Variants in SPECC1 observed in about 807,000 individuals in gnomAD.
The protein encoded by SPECC1 is cytospin-B.
In SPECC1, 62 loss-of-function variants were observed where a neutral mutation model predicts 104.1. That is an observed-to-expected ratio of 0.60 (90% CI 0.49 to 0.74). The LOEUF (loss-of-function observed/expected upper bound fraction) is 0.74. SPECC1 is among the 30% of genes least tolerant of loss of function. SPECC1 has a pLI of 0.00. For synonymous variants in SPECC1, 513 were observed against 501.6 expected, an observed-to-expected ratio of 1.02 and a Z score of -0.30; for missense variants, 1,306 against 1,310.5, an observed-to-expected ratio of 1.00 and a Z score of 0.05.
At chr17:20,162,472 C>T (rs558133372) in intron 3 of SPECC1, among the ~76,000 whole-genome samples, 9 of 152,226 alleles carry the variant, frequency 5.9e-5, no homozygotes, top group Middle Eastern at 3.4e-3. Context: ...CCTCGAGCTT[C>T]AAATTCTTTA....
At chr17:20,108,261 A>G (rs939480896) in intron 2 of SPECC1, among the ~76,000 whole-genome samples, 2 of 151,070 alleles carry the variant, frequency 1.3e-5, no homozygotes, top group African/African-American at 4.9e-5. Context: ...GAAGGCTAGT[A>G]TTTGCAGGAG....
At chr17:20,246,639 C>T (rs2039433067) in intron 8 of SPECC1, among the ~76,000 whole-genome samples, 1 of 152,216 alleles carries the variant, frequency 6.6e-6, no homozygotes, top group Non-Finnish European at 1.5e-5. Context: ...TCATGCTTAT[C>T]TTCCTATATG....
intron 1 of SPECC1, among the ~76,000 whole-genome samples, chr17:20,059,099 C>G (rs147638061): frequency 1.5e-4 from 23 of 151,948 alleles, no homozygotes; most frequent in African/African-American, 5.3e-4. Context: ...CTTGGCCTCC[C>G]GAAGTGCTGG....
chr17:20,096,485 A>T, intron 1 of SPECC1, 146 bp from the exon 2 acceptor site: 1 of 952,266 alleles, frequency 1.1e-6, no homozygotes, highest in Non-Finnish European at 1.6e-6. Flanking sequence ...AACCCATCTT[A>T]GGAATATTCT....
At chr17:20,060,530 A>G (rs1023362990) in intron 1 of SPECC1, among the ~76,000 whole-genome samples, 6 of 152,180 alleles carry the variant, frequency 3.9e-5, no homozygotes, top group African/African-American at 1.4e-4. Flanking sequence ...CAAAAAAACA[A>G]TAGAGGACTC....
intron 3 of SPECC1, among the ~76,000 whole-genome samples, chr17:20,181,102 T>G (rs2034851623): frequency 6.6e-6 from 1 of 152,108 alleles, no homozygotes; most frequent in Non-Finnish European, 1.5e-5. Flanking sequence ...CTAGACAAAT[T>G]ATAAATCATC....
chr17:20,242,186 G>A (rs1475794933), intron 7 of SPECC1, among the ~76,000 whole-genome samples: 2 of 152,198 alleles, frequency 1.3e-5, no homozygotes, highest in African/African-American at 4.8e-5. Flanking sequence ...GGATCAGAAT[G>A]AACAATGACA....
intron 12 of SPECC1, among the ~76,000 whole-genome samples, chr17:20,294,544 C>T (rs2041277887): frequency 6.6e-6 from 1 of 151,952 alleles, no homozygotes; most frequent in African/African-American, 2.4e-5. Context: ...CTGCTTGTTG[C>T]GAATTGGGGT....
chr17:20,019,616 A>G (rs926669713), intron 1 of SPECC1, among the ~76,000 whole-genome samples: 1 of 152,214 alleles, frequency 6.6e-6, no homozygotes, highest in African/African-American at 2.4e-5. Flanking sequence ...GTTTAGCTCA[A>G]TATAGCTGGA....
chr17:20,223,439 G>C (rs1172294515), intron 4 of SPECC1, among the ~76,000 whole-genome samples: 10 of 152,040 alleles, frequency 6.6e-5, no homozygotes, highest in African/African-American at 1.7e-4. Flanking sequence ...ACTTTGGGAG[G>C]CCGGAGTGGG....
chr17:20,249,246 C>T (rs560105915), intron 9 of SPECC1, among the ~76,000 whole-genome samples: 3 of 152,086 alleles, frequency 2.0e-5, no homozygotes, highest in Admixed American at 6.6e-5. Context: ...AGTGAAACCC[C>T]GTCTCTACTA....
At chr17:20,307,789 G>A (rs1454903221) in intron 14 of SPECC1, among the ~76,000 whole-genome samples, 1 of 152,094 alleles carries the variant, frequency 6.6e-6, no homozygotes, top group Non-Finnish European at 1.5e-5. Flanking sequence ...AAGATATGAT[G>A]CCTGAAAATT....
rs574931645 is a variant in SPECC1 at position 20,108,193 on chromosome 17, T to C, written c.148-2234T>C. Among the ~76,000 whole-genome samples the C allele has an allele frequency of 1.4e-4, 21 of 152,068 alleles. No individual in the cohort carries two copies. In the East Asian group the frequency reaches 4.1e-3, roughly 29 times the overall value. On this transcript the variant is annotated intron_variant, in intron 2 of 14. Transcript: ENST00000395527. ...TAAAATGGTGAATTTTATATTATGC[T>C]TATTTTAGCACAGTAAAGTTTTAAA...
At chr17:20,239,427 A>G (rs996058415) in intron 7 of SPECC1, 6 of 337,156 alleles carry the variant, frequency 1.8e-5, no homozygotes, top group Non-Finnish European at 2.6e-5. Flanking sequence ...TATTCTTTTC[A>G]GTACTCTGCA....
chr17:20,201,668 C>G (rs1190361865), intron 3 of SPECC1, among the ~76,000 whole-genome samples: 1 of 152,174 alleles, frequency 6.6e-6, no homozygotes, highest in Non-Finnish European at 1.5e-5. Flanking sequence ...TTCTAGAGAA[C>G]TAGCATTACT....
chr17:20,182,919 A>G (rs927355413), intron 3 of SPECC1, among the ~76,000 whole-genome samples: 5 of 152,208 alleles, frequency 3.3e-5, no homozygotes, highest in African/African-American at 1.2e-4. Context: ...CAAGTGCCCA[A>G]CAAAAAGTTG....
intron 3 of SPECC1, among the ~76,000 whole-genome samples, chr17:20,131,639 CTTTTT>C (rs541723505): frequency 3.1e-4 from 37 of 118,008 alleles, no homozygotes; most frequent in Non-Finnish European, 5.6e-4. Flanking sequence ...CAGTCTTCTT[CTTTTT>C]TTTTTTTTTT....
At chr17:20,037,054 T>C (rs2045116407) in intron 1 of SPECC1, among the ~76,000 whole-genome samples, 1 of 152,226 alleles carries the variant, frequency 6.6e-6, no homozygotes, top group African/African-American at 2.4e-5. Context: ...TTTTTCTGCA[T>C]TGATTGATGT....
intron 3 of SPECC1, among the ~76,000 whole-genome samples, chr17:20,131,153 T>G (rs528723102): frequency 6.6e-5 from 10 of 152,200 alleles, no homozygotes; most frequent in Non-Finnish European, 1.3e-4. Flanking sequence ...GATTTTTCAA[T>G]GTAAACAATC....
Sources: gnomAD v4.1 joint callset for allele counts (sites outside exome capture counted in the v4.1 genomes callset) on GRCh38, gnomAD v4.1.1 for gene constraint, MANE v1.5 for transcripts, NCBI Gene and HGNC (gene_info 2026-07-23, HGNC 2026-07-21) for gene names.